STAB1: variants seen among roughly 807,000 people sequenced by gnomAD.
The protein encoded by STAB1 is stabilin 1.
STAB1 carries 250 observed loss-of-function variants against 332.4 expected under a neutral mutation model. The ratio of observed to expected loss-of-function variants is 0.75; its 90% CI spans 0.68 to 0.84. The LOEUF (loss-of-function observed/expected upper bound fraction) is 0.84. Ranked by LOEUF, STAB1 falls within the 40% of genes least tolerant of loss-of-function variation. The probability of loss-of-function intolerance (pLI) is 0.00; values close to 1 mark genes in which losing one functional copy is unlikely to be tolerated. For synonymous variants in STAB1, 1,475 were observed against 1,390.4 expected (o/e 1.06, Z -1.35); for missense variants, 3,249 against 3,489.7 (o/e 0.93, Z 1.74).
At chr3:52,499,613 TGGCC>T (rs564473813) in intron 1 of STAB1, among the ~76,000 whole-genome samples, 30 of 152,070 alleles carry the variant, frequency 2.0e-4, no homozygotes, top group South Asian at 1.2e-3. Context: ...TAAAACAAAC[TGGCC>T]GGCCGGGCGC....
chr3:52,519,008 G>GGGCT, intron 48 of STAB1, 139 bp downstream of exon 48: 1 of 1,139,568 alleles, frequency 8.8e-7, no homozygotes, highest in Non-Finnish European at 1.2e-6. Context: ...AGTCCAGCCC[G>GGGCT]GGACTCCGCC....
intron 1 of STAB1, among the ~76,000 whole-genome samples, chr3:52,496,743 G>A (rs1708054752): frequency 6.6e-6 from 1 of 152,238 alleles, no homozygotes; most frequent in South Asian, 2.1e-4. Context: ...GGGCAGTGAG[G>A]ACAGAGGTCA....
intron 18 of STAB1, 57 bp from the exon 19 acceptor site, chr3:52,507,556 G>C: frequency 6.4e-7 from 1 of 1,551,616 alleles, no homozygotes; most frequent in Non-Finnish European, 8.8e-7. Flanking sequence ...CTCTGGGTTT[G>C]CCGAGTAAAT....
rs1709456827 is a variant in STAB1, at chr3:52,513,698, C to G, written c.3271-19C>G. The stretch of plus-strand genomic sequence containing the variant: ...CTATCTGTGCCCACCTGTGGCTAAG[C>G]TCTGCTGCTGCCTTCCAGAGGGTCT... On this transcript the variant is annotated intron_variant, in intron 30 of 68. Coordinates refer to ENST00000321725, the MANE Select transcript of STAB1 (RefSeq NM_015136.3). 6.2e-7 allele frequency: 1 copy of G among 1,610,424 alleles called. No individual in the cohort carries two copies.
chr3:52,503,288 C>A, intron 7 of STAB1, 56 bp from the exon 8 acceptor site: 1 of 1,552,608 alleles, frequency 6.4e-7, no homozygotes, highest in Non-Finnish European at 8.7e-7. Context: ...AAAGCTGTGG[C>A]GGAGACAGGG....
At position 52,502,714 on chromosome 3, in the gene STAB1, C is replaced by T; in HGVS notation, c.570C>T (p.Pro190=). Residue 190 remains proline, a synonymous_variant, in exon 6 of 69, where the codon CCC becomes CCT. Transcript: ENST00000321725. The part of the protein sequence containing the change: ...SCLCFAGYTG[P]HCDQELPVCQ... ...TGTGCTTTGCTGGATACACTGGCCC[C>T]CACTGTGATCAAGGTGAGCAGCGCC... 1 of 1,613,486 alleles carries T rather than the reference C, an allele frequency of 6.2e-7. No homozygotes were observed. Among genetic ancestry groups the T allele is most frequent in the Non-Finnish European group, 8.5e-7 (1 of 1,179,750 alleles).
At chr3:52,513,102 AT>A (rs755252069) in intron 29 of STAB1, 27 bp from the exon 30 acceptor site, 9 of 1,555,012 alleles carry the variant, frequency 5.8e-6, no homozygotes, top group South Asian at 2.4e-5. Context: ...ACCTGATTCC[AT>A]GACCCCCCTA....
intron 2 of STAB1, 158 bp downstream of exon 2, chr3:52,501,460 T>C: frequency 8.1e-7 from 1 of 1,237,640 alleles, no homozygotes; most frequent in Non-Finnish European, 1.1e-6. Context: ...GAGGAAGGGG[T>C]AAAGGCGAGG....
chr3:52,511,159 C>T (rs1246522978), intron 25 of STAB1, among the ~76,000 whole-genome samples: 2 of 152,182 alleles, frequency 1.3e-5, no homozygotes, highest in Admixed American at 6.5e-5. Context: ...TGAGATGCTC[C>T]CAACGTGCAA....
At chr3:52,519,607 CGTGT>C in intron 50 of STAB1, 43 bp downstream of exon 50, 1 of 1,570,892 alleles carries the variant, frequency 6.4e-7, no homozygotes, top group Non-Finnish European at 8.7e-7. Context: ...CACACATGCA[CGTGT>C]AAGTGTGTGC....
intron 16 of STAB1, 22 bp downstream of exon 16, chr3:52,505,958 GGCGGCCAGCTTGTACCCGGT>G: frequency 1.2e-6 from 2 of 1,613,018 alleles, no homozygotes; most frequent in Non-Finnish European, 1.7e-6. Context: ...TTTTCTGGGG[GGCGGCCAGCTTGTACCCGGT>G]GGGCCTGCCT....
Position 52,517,124 on chromosome 3 carries a change from C to T in STAB1, c.4489+15C>T. The T allele has an allele frequency of 6.5e-7, 1 of 1,527,678 alleles. No individual in the cohort carries two copies. The highest frequency in any genetic ancestry group is 8.8e-7 in the Non-Finnish European group (1 of 1,138,870). 94.6% of individuals were successfully genotyped at this position (1,527,678 alleles called of 1,614,324 possible). On this transcript the variant is annotated intron_variant, in intron 42 of 68. Coordinates refer to ENST00000321725, the MANE Select transcript of STAB1 (RefSeq NM_015136.3). The stretch of plus-strand genomic sequence containing the variant: ...GCTGTGCCAGGGTGAGACTAGGCCC[C>T]TAACCTGGGTTTATGTTGGGCTAGG...
At chr3:52,511,788 G>T in intron 26 of STAB1, 43 bp downstream of exon 26, 1 of 1,478,062 alleles carries the variant, frequency 6.8e-7, no homozygotes, top group Non-Finnish European at 9.2e-7. Context: ...AGCTTTCTGG[G>T]GTGAGCCTGG....
intron 5 of STAB1, 52 bp downstream of exon 5, chr3:52,502,280 C>A (rs749315054): frequency 3.2e-6 from 5 of 1,583,952 alleles, no homozygotes; most frequent in South Asian, 1.1e-5. Flanking sequence ...TGGGGGCCCA[C>A]GCAGATGCAG....
At position 52,519,951 on chromosome 3, in the gene STAB1, G is replaced by A. The variant is rs1171239469; in HGVS notation, c.5243G>A (p.Gly1748Asp). Reference protein sequence around the residue: ...KIFSGLLKVAGLLPLLREASH... With the variant: ...KIFSGLLKVADLLPLLREASH... ...TTTGCTGCACCCCACCAGGTGGCCG[G>A]CCTCCTGCCCCTGCTTCGAGAGGCA... The change falls in exon 51 of 69, where the codon GGC becomes GAC. Residue 1748 changes from glycine (G) to aspartate (D), a missense_variant. Coordinates refer to ENST00000321725, the MANE Select transcript of STAB1 (RefSeq NM_015136.3). 5 of 1,574,246 alleles carry A rather than the reference G, an allele frequency of 3.2e-6. No homozygotes were observed. Among genetic ancestry groups the A allele is most frequent in the Non-Finnish European group, 4.3e-6 (5 of 1,159,756 alleles).
At position 52,517,992 on chromosome 3, in the gene STAB1, CGA is replaced by C. The variant is rs770717180; in HGVS notation, c.4752_4753del (p.Val1585ArgfsTer8). ...GGGGGACGGCCTCACCTGCCGTGCC[CGA>C]GTCGGCCTGGTAATGATGCCCAAGT... Reference protein sequence around the residue: ...TVGDGLTCRARVGLELLRDKH... With the variant: ...TVGDGLTCRAXVGLELLRDKH... On this transcript the variant is annotated frameshift_variant, in exon 45 of 69. Coordinates refer to ENST00000321725, the MANE Select transcript of STAB1 (RefSeq NM_015136.3). LOFTEE classifies it high-confidence loss of function. 1.9e-6 allele frequency: 3 copies of C among 1,604,096 alleles called. No individual in the cohort carries two copies. Among genetic ancestry groups the C allele is most frequent in the Non-Finnish European group, 2.5e-6 (3 of 1,177,002 alleles).
At chr3:52,520,366 C>A (rs375784033) in intron 52 of STAB1, 34 bp from the exon 53 acceptor site, 3 of 1,612,624 alleles carry the variant, frequency 1.9e-6, no homozygotes, top group African/African-American at 1.3e-5. Context: ...AGTGCACCTG[C>A]GACCCTTGCA....
In STAB1 at chr3:52,524,227, TGAA is replaced by T. The variant is rs762205716; in HGVS notation, c.7656+19_7656+21del. 9 of 1,613,884 alleles carry T rather than the reference TGAA, an allele frequency of 5.6e-6. No individual in the cohort carries two copies. The Admixed American group carries it at 8.3e-5, about 15-fold the overall frequency. ...GAACCCTTCGATGTAAGCATGGAAG[TGAA>T]GAAGTGTGGCAGATGTGGGATGGGC... On this transcript the variant is annotated intron_variant, in intron 68 of 68. Coordinates refer to ENST00000321725, the MANE Select transcript of STAB1 (RefSeq NM_015136.3).
intron 55 of STAB1, among the ~76,000 whole-genome samples, 169 bp from the exon 56 acceptor site, chr3:52,521,192 G>A (rs1396775758): frequency 6.6e-6 from 1 of 152,182 alleles, no homozygotes; most frequent in Non-Finnish European, 1.5e-5. Context: ...CAGAACCTGG[G>A]GAGGAGTGCT....
Sources: gnomAD v4.1 joint callset for allele counts (sites outside exome capture counted in the v4.1 genomes callset) on GRCh38, gnomAD v4.1.1 for gene constraint, MANE v1.5 for transcripts, NCBI Gene and HGNC (gene_info 2026-07-23, HGNC 2026-07-21) for gene names.